The following TEKT1 variants were observed in gnomAD, a reference collection of about 807,000 sequenced individuals.
The protein encoded by TEKT1 is tektin-1.
TEKT1 carries 32 observed loss-of-function variants against 34.8 expected under a neutral mutation model. That is an observed-to-expected ratio of 0.92 (90% CI 0.69 to 1.23). TEKT1 has a LOEUF of 1.23. Among genes scored for constraint, TEKT1 ranks in the 50% most tolerant of loss-of-function variants. TEKT1 has a pLI of 0.00. For synonymous variants in TEKT1, 207 were observed against 199.8 expected (o/e 1.04, Z -0.30); for missense variants, 492 against 518.5 (o/e 0.95, Z 0.50).
In TEKT1 at chr17:6,815,952, T is replaced by A. The variant is rs764969625; in HGVS notation, c.367A>T (p.Ile123Phe). 10 of 1,614,036 alleles carry A rather than the reference T, an allele frequency of 6.2e-6. No homozygotes were observed. The South Asian group carries it at 9.9e-5, about 16-fold the overall frequency. Residue 123 changes from isoleucine (I) to phenylalanine (F), a missense_variant, in exon 4 of 8, where the codon ATT (isoleucine) becomes TTT (phenylalanine). Physicochemically the swap from Ile to Phe is conservative, Grantham distance 21. Transcript: ENST00000338694. ...GTGTCGTGCACCAGGTCAATGCCAATGCGCTTCTCCCTGGCAGGGGGAAAG... is the reference window on the plus strand; with the variant it reads ...GTGTCGTGCACCAGGTCAATGCCAAAGCGCTTCTCCCTGGCAGGGGGAAAG... ...ETCLAYREKR[I>F]GIDLVHDTVE...
rs1037708008 is a variant in TEKT1, at chr17:6,799,949, A to C, written c.*78T>G. ...CAGCAGGCTGGCTAGAGGCCCCGCC[A>C]GCCTGAAATGAGAGCTCTGTACTAC... On this transcript the variant is annotated 3_prime_UTR_variant, in exon 8 of 8. Transcript: ENST00000338694. 7.2e-5 allele frequency: 102 copies of C among 1,419,500 alleles called. No individual in the cohort carries two copies. The highest frequency in any genetic ancestry group is 9.5e-5 in the Non-Finnish European group (101 of 1,066,024). The allele number at this position is 1,419,500 out of a possible 1,614,324, so 87.9% of individuals were successfully genotyped here.
intron 6 of TEKT1, among the ~76,000 whole-genome samples, chr17:6,803,933 G>A (rs1429928933): frequency 1.3e-5 from 2 of 152,002 alleles, no homozygotes; most frequent in Non-Finnish European, 1.5e-5. Flanking sequence ...GGATTGACTT[G>A]GCAATGCCAG....
At chr17:6,819,869 T>TACAAAATTTACAAAACCC (rs1977061923) in intron 2 of TEKT1, among the ~76,000 whole-genome samples, 1 of 152,166 alleles carries the variant, frequency 6.6e-6, no homozygotes, top group Non-Finnish European at 1.5e-5. Flanking sequence ...TTGTATTTTT[T>TACAAAATTTACAAAACCC]AGTAGAGACT....
chr17:6,813,104 G>A (rs1976951914), intron 5 of TEKT1, 51 bp from the exon 6 acceptor site: 1 of 1,527,494 alleles, frequency 6.5e-7, no homozygotes, highest in African/African-American at 1.4e-5. Flanking sequence ...GTGGGGAAGG[G>A]GGTTGGGAGA....
rs570273190 is a variant in TEKT1, at chr17:6,800,722, C to T, written c.1049+25G>A. ...AGGTTGGGATTGAGACCCGAAGGCC[C>T]TCTGCCCACTGGCTGCTAGCCTACC... On this transcript the variant is annotated intron_variant, in intron 7 of 7. Coordinates refer to ENST00000338694, the MANE Select transcript of TEKT1 (RefSeq NM_053285.2). 37 of 1,598,186 alleles carry T rather than the reference C, an allele frequency of 2.3e-5. No homozygotes were observed. In the Admixed American group the frequency reaches 5.9e-4, roughly 26 times the overall value.
chr17:6,798,042 T>A lies in TEKT1; in HGVS notation c.*1985A>T, dbSNP rs1199577106. 1 of 152,244 alleles carries A rather than the reference T, an allele frequency of 6.6e-6. No individual in the cohort carries two copies. Among genetic ancestry groups the A allele is most frequent in the African/African-American group, 2.4e-5 (1 of 41,464 alleles). 9.4% of individuals were successfully genotyped at this position (152,244 alleles called of 1,614,324 possible). ...TGAAATCTTAGATGTTTCCGCATTT[T>A]ATGTCTACATGTTGAGAAATGGCCT... On this transcript the variant is annotated 3_prime_UTR_variant, in exon 8 of 8. Coordinates refer to ENST00000338694, the MANE Select transcript of TEKT1 (RefSeq NM_053285.2).
chr17:6,828,185 C>T (rs2151592831), intron 2 of TEKT1, among the ~76,000 whole-genome samples: 1 of 152,248 alleles, frequency 6.6e-6, no homozygotes, highest in East Asian at 1.9e-4. Context: ...ACCTTGTGAT[C>T]CGCCCACGTT....
intron 2 of TEKT1, among the ~76,000 whole-genome samples, chr17:6,821,254 G>A (rs1977085735): frequency 6.6e-6 from 1 of 152,180 alleles, no homozygotes; most frequent in African/African-American, 2.4e-5. Context: ...GTTGAGGGAA[G>A]GACTTGGTGG....
At position 6,799,968 on chromosome 17, in the gene TEKT1, G is replaced by A. The variant is rs1976743542; in HGVS notation, c.*59C>T. 1 of 1,521,750 alleles carries A rather than the reference G, an allele frequency of 6.6e-7. No individual in the cohort carries two copies. The highest frequency in any genetic ancestry group is 1.2e-5 in the South Asian group (1 of 81,490). The allele number at this position is 1,521,750 out of a possible 1,614,324, so 94.3% of individuals were successfully genotyped here. On this transcript the variant is annotated 3_prime_UTR_variant, in exon 8 of 8. Coordinates refer to ENST00000338694, the MANE Select transcript of TEKT1 (RefSeq NM_053285.2). Reference sequence around the variant, plus strand: ...CCCGCCAGCCTGAAATGAGAGCTCTGTACTACTGTAACTACTGTTTACAAT... The same window carrying A: ...CCCGCCAGCCTGAAATGAGAGCTCTATACTACTGTAACTACTGTTTACAAT...
chr17:6,802,943 G>T (rs980923301), intron 6 of TEKT1, among the ~76,000 whole-genome samples: 2 of 152,104 alleles, frequency 1.3e-5, no homozygotes, highest in Non-Finnish European at 2.9e-5. Context: ...CCTTATAGCA[G>T]CATTATTTAT....
chr17:6,814,955 T>G, intron 5 of TEKT1: 1 of 544,464 alleles, frequency 1.8e-6, no homozygotes, highest in South Asian at 2.9e-5. Flanking sequence ...GGTTTAAAGG[T>G]TTTATGTCAG....
chr17:6,816,083 C>T (rs936466876), intron 3 of TEKT1, 121 bp from the exon 4 acceptor site: 25 of 1,358,886 alleles, frequency 1.8e-5, no homozygotes, highest in African/African-American at 1.7e-4. Flanking sequence ...CCGATCCATC[C>T]GATGACACAG....
At position 6,815,953 on chromosome 17, in the gene TEKT1, G is replaced by A; in HGVS notation, c.366C>T (p.Arg122=). Residue 122 remains arginine (R), a synonymous_variant, in exon 4 of 8, where the codon CGC becomes CGT. Transcript: ENST00000338694. ...TETCLAYREK[R]IGIDLVHDTV... is the part of the protein sequence containing the mutation. The stretch of plus-strand genomic sequence containing the variant: ...TGTCGTGCACCAGGTCAATGCCAAT[G>A]CGCTTCTCCCTGGCAGGGGGAAAGG... 3 of 1,613,988 alleles carry A rather than the reference G, an allele frequency of 1.9e-6. No individual in the cohort carries two copies. Among genetic ancestry groups the A allele is most frequent in the Non-Finnish European group, 2.5e-6 (3 of 1,180,020 alleles).
rs746966722 is a variant in TEKT1, at chr17:6,815,981, G to T, written c.357-19C>A. On this transcript the variant is annotated intron_variant, in intron 3 of 7. Transcript: ENST00000338694. ...CTTCTCCCTGGCAGGGGGAAAGGCA[G>T]CCAGTCAGCCAACACGTGCAACATG... The T allele has an allele frequency of 6.2e-7, 1 of 1,612,916 alleles. No individual in the cohort carries two copies. Among genetic ancestry groups the T allele is most frequent in the Admixed American group, 1.7e-5 (1 of 60,020 alleles).
In TEKT1 at chr17:6,799,759, G is replaced by A. The variant is rs1226163800; in HGVS notation, c.*268C>T. ...TATTGAATTGAATCTGAACTGAAAT[G>A]TCTTGAAACCCTGTCCTGGGGCCCC... On this transcript the variant is annotated 3_prime_UTR_variant, in exon 8 of 8. Transcript: ENST00000338694. 3 of 346,036 alleles carry A rather than the reference G, an allele frequency of 8.7e-6. No homozygotes were observed. The highest frequency in any genetic ancestry group is 4.4e-5 in the Admixed American group (1 of 22,666). 21.4% of individuals were successfully genotyped at this position (346,036 alleles called of 1,614,324 possible). A position where few individuals can be genotyped will look rare whatever the true frequency, so the allele number is the denominator to read the frequency against.
rs34316443 is a variant in TEKT1, at chr17:6,813,551, G to GACACACAC, written c.630-506_630-499dup. On this transcript the variant is annotated intron_variant, in intron 5 of 7. Transcript: ENST00000338694. Reference sequence around the variant, plus strand: ...AAATAATGTTAATTGGAAGAAACCAGACACACACACACACACACACACACA... The same window carrying GACACACAC: ...AAATAATGTTAATTGGAAGAAACCAGACACACACACACACACACACACACACACACACA... Among the ~76,000 whole-genome samples, 1,102 of 135,154 alleles carry GACACACAC rather than the reference G, an allele frequency of 8.2e-3. 6 individuals are homozygous for GACACACAC. Among genetic ancestry groups the GACACACAC allele is most frequent in the South Asian group, 0.013 (53 of 3,976 alleles). 88.7% of individuals were successfully genotyped at this position (135,154 alleles called of 152,430 possible).
rs1473619913 is a variant in TEKT1, at chr17:6,831,021, A to AGAAGAAGGAGGAGGAGGAGGAGGAG, written c.-18+603_-18+627dup. Among the ~76,000 whole-genome samples, 12 of 115,812 alleles carry AGAAGAAGGAGGAGGAGGAGGAGGAG rather than the reference A, an allele frequency of 1.0e-4. 1 individual carries two copies. The highest frequency in any genetic ancestry group is 7.8e-4 in the Admixed American group (10 of 12,820). 76.0% of individuals were successfully genotyped at this position (115,812 alleles called of 152,430 possible). On this transcript the variant is annotated intron_variant, in intron 1 of 7. Coordinates refer to ENST00000338694, the MANE Select transcript of TEKT1 (RefSeq NM_053285.2). ...AAAAAGAAGAAGAAAAAGAAGAGGA[A>AGAAGAAGGAGGAGGAGGAGGAGGAG]GAAGAAGGAGGAGGAGGAGGAGGAG...
In TEKT1 at chr17:6,812,816, C is replaced by T; in HGVS notation, c.852+15G>A. The T allele has an allele frequency of 6.2e-7, 1 of 1,610,884 alleles. No individual in the cohort carries two copies. Among genetic ancestry groups the T allele is most frequent in the Non-Finnish European group, 8.5e-7 (1 of 1,178,598 alleles). On this transcript the variant is annotated intron_variant, in intron 6 of 7. Transcript: ENST00000338694. ...TGAATCTGCTCTTCTTCCATGCTCC[C>T]TCAAGGGACCTCACCTTGGCCAGAT...
At chr17:6,820,675 TCTC>T (rs913838246) in intron 2 of TEKT1, among the ~76,000 whole-genome samples, 3 of 152,274 alleles carry the variant, frequency 2.0e-5, no homozygotes, top group East Asian at 1.9e-4. Context: ...TAGAGCATCT[TCTC>T]CTCCTGCTGG....
Sources: gnomAD v4.1 joint callset for allele counts (sites outside exome capture counted in the v4.1 genomes callset) on GRCh38, gnomAD v4.1.1 for gene constraint, MANE v1.5 for transcripts, NCBI Gene and HGNC (gene_info 2026-07-23, HGNC 2026-07-21) for gene names.